The following DNAH11 variants were observed in gnomAD, a reference collection of about 807,000 sequenced individuals.
The protein encoded by DNAH11 is dynein axonemal heavy chain 11.
In DNAH11, 442 loss-of-function variants were observed where a neutral mutation model predicts 526.0. That is an observed-to-expected ratio of 0.84 (90% CI 0.78 to 0.91). The LOEUF (loss-of-function observed/expected upper bound fraction) is 0.91, where lower values mean the gene tolerates loss of function less well. DNAH11 is among the 40% of genes least tolerant of loss of function. The probability of loss-of-function intolerance (pLI) is 0.00; values close to 1 mark genes in which losing one functional copy is unlikely to be tolerated. For synonymous variants in DNAH11, 2,461 were observed against 1,935.9 expected, an observed-to-expected ratio of 1.27 and a Z score of -7.12; for missense variants, 6,989 against 5,448.7, an observed-to-expected ratio of 1.28 and a Z score of -8.90.
chr7:21,841,191 C>T lies in DNAH11; in HGVS notation c.10692-1353C>T, dbSNP rs547486438. ...GGAGTGAGACACTGTCACACACACACAAAAAAGAATATATGTGTTTTTAAT... is the reference window on the plus strand; with the variant it reads ...GGAGTGAGACACTGTCACACACACATAAAAAAGAATATATGTGTTTTTAAT... On this transcript the variant is annotated intron_variant, in intron 65 of 81. Coordinates refer to ENST00000409508, the MANE Select transcript of DNAH11 (RefSeq NM_001277115.2). 1.1e-4 allele frequency among the ~76,000 whole-genome samples: 16 copies of T among 151,176 alleles called. 1 individual carries two copies. Among genetic ancestry groups the T allele is most frequent in the Non-Finnish European group, 2.4e-4 (16 of 67,830 alleles).
At chr7:21,804,765 C>A (rs776793259) in intron 62 of DNAH11, among the ~76,000 whole-genome samples, 4 of 152,150 alleles carry the variant, frequency 2.6e-5, no homozygotes, top group Non-Finnish European at 4.4e-5. Flanking sequence ...CCCACCATTA[C>A]CTCCTAAAGC....
At chr7:21,899,930 C>T in intron 80 of DNAH11, 50 bp from the exon 81 acceptor site, 3 of 1,598,152 alleles carry the variant, frequency 1.9e-6, no homozygotes, top group South Asian at 1.1e-5. Context: ...CTCCCGGGAA[C>T]CTTACATGCA....
At chr7:21,548,722 G>A (rs545517636) in intron 2 of DNAH11, among the ~76,000 whole-genome samples, 25 of 152,236 alleles carry the variant, frequency 1.6e-4, no homozygotes, top group African/African-American at 5.3e-4. Context: ...TGACTCACTC[G>A]TGATGTTTAG....
intron 20 of DNAH11, among the ~76,000 whole-genome samples, chr7:21,613,830 C>T (rs1785643135): frequency 6.6e-6 from 1 of 152,146 alleles, no homozygotes; most frequent in Admixed American, 6.6e-5. Context: ...GGTACAATTT[C>T]AACTCAGTGC....
chr7:21,590,890 A>G (rs1046342688), intron 12 of DNAH11, 28 bp from the exon 13 acceptor site: 19 of 1,232,912 alleles, frequency 1.5e-5, no homozygotes, highest in Non-Finnish European at 1.9e-5. Context: ...GAAAATATGC[A>G]ATAATTTTAA....
chr7:21,571,403 T>A (rs1783883508), intron 7 of DNAH11, among the ~76,000 whole-genome samples: 1 of 152,034 alleles, frequency 6.6e-6, no homozygotes, highest in African/African-American at 2.4e-5. Context: ...CCTCAGCTTC[T>A]CAAGTAGCTG....
chr7:21,764,771 T>A (rs1041639550), intron 54 of DNAH11, among the ~76,000 whole-genome samples: 2 of 152,208 alleles, frequency 1.3e-5, no homozygotes, highest in African/African-American at 4.8e-5. Flanking sequence ...ATATTTAGAT[T>A]TAAATTAACT....
At chr7:21,588,763 G>C in intron 11 of DNAH11, 127 bp downstream of exon 11, 1 of 1,100,488 alleles carries the variant, frequency 9.1e-7, no homozygotes, top group Non-Finnish European at 1.3e-6. Context: ...TCACTGGTTG[G>C]GTTTGTGGAG....
At chr7:21,562,187 A>G (rs1482409643) in intron 5 of DNAH11, among the ~76,000 whole-genome samples, 1 of 152,208 alleles carries the variant, frequency 6.6e-6, no homozygotes, top group Non-Finnish European at 1.5e-5. Context: ...TAATCTTGTC[A>G]TGATCAACAT....
intron 16 of DNAH11, 28 bp from the exon 17 acceptor site, chr7:21,600,982 G>C (rs368921812): frequency 2.2e-5 from 35 of 1,609,828 alleles, no homozygotes; most frequent in Non-Finnish European, 3.0e-5. Flanking sequence ...TCACTGAGTT[G>C]TTCTAATTAA....
intron 30 of DNAH11, among the ~76,000 whole-genome samples, chr7:21,661,441 G>A (rs1169506172): frequency 6.6e-6 from 1 of 151,794 alleles, no homozygotes; most frequent in Non-Finnish European, 1.5e-5. Context: ...ATTCTAAGTT[G>A]ATAGTTTTTT....
At chr7:21,726,128 G>T (rs895067332) in intron 45 of DNAH11, 144 bp downstream of exon 45, 11 of 861,276 alleles carry the variant, frequency 1.3e-5, no homozygotes, top group African/African-American at 5.2e-5. Context: ...GCTGGCATCT[G>T]CTGAGCTTCT....
intron 2 of DNAH11, among the ~76,000 whole-genome samples, chr7:21,552,773 G>A (rs1783069729): frequency 6.6e-6 from 1 of 152,194 alleles, no homozygotes; most frequent in Non-Finnish European, 1.5e-5. Flanking sequence ...AGAGGTCTCT[G>A]CTCCTGAAGT....
At chr7:21,679,175 G>A (rs1783038108) in intron 30 of DNAH11, among the ~76,000 whole-genome samples, 1 of 151,904 alleles carries the variant, frequency 6.6e-6, no homozygotes, top group East Asian at 1.9e-4. Context: ...TCACTTATAA[G>A]TGGATTAAAA....
chr7:21,867,851 T>C lies in DNAH11; in HGVS notation c.11691-8T>C. 1 of 1,561,012 alleles carries C rather than the reference T, an allele frequency of 6.4e-7. No individual in the cohort carries two copies. Among genetic ancestry groups the C allele is most frequent in the Non-Finnish European group, 8.7e-7 (1 of 1,151,544 alleles). ...CTGATCATGTTTTTATATTCTTGTT[T>C]TTTATAGAAATTTTGTAGAGGAAAA... is the stretch of plus-strand genomic sequence containing the variant. On this transcript the variant is annotated splice_region_variant and splice_polypyrimidine_tract_variant and intron_variant, in intron 71 of 81. Coordinates refer to ENST00000409508, the MANE Select transcript of DNAH11 (RefSeq NM_001277115.2).
rs115685752 is a variant in DNAH11 at position 21,822,263 on chromosome 7, A to G, written c.10691+3924A>G. Among the ~76,000 whole-genome samples, 763 of 152,272 alleles carry G rather than the reference A, an allele frequency of 5.0e-3. 3 individuals carry two copies. Among genetic ancestry groups the G allele is most frequent in the African/African-American group, 0.017 (711 of 41,558 alleles). The stretch of plus-strand genomic sequence containing the variant: ...CTGGTGAAGCCTCAGGAGGCTCACA[A>G]TCATGGTGGAAGGTAAACGGGGAGC... On this transcript the variant is annotated intron_variant, in intron 65 of 81. Coordinates refer to ENST00000409508, the MANE Select transcript of DNAH11 (RefSeq NM_001277115.2).
intron 28 of DNAH11, among the ~76,000 whole-genome samples, chr7:21,639,468 T>G (rs1435938485): frequency 6.6e-6 from 1 of 152,178 alleles, no homozygotes; most frequent in Non-Finnish European, 1.5e-5. Context: ...AGAGTCACCT[T>G]CATAATTATG....
In DNAH11 at chr7:21,744,989, A is replaced by G. The variant is rs1354322281; in HGVS notation, c.8436A>G (p.Thr2812=). ...KDWEVLKTIL[T]ETLDNYNELN... The stretch of plus-strand genomic sequence containing the variant: ...GGGAAGTGCTGAAGACGATTCTTAC[A>G]GAAACGTTAGACAACTACAATGAAC... Residue 2812 remains threonine (T), a synonymous_variant, in exon 51 of 82, where the codon ACA becomes ACG. Coordinates refer to ENST00000409508, the MANE Select transcript of DNAH11 (RefSeq NM_001277115.2). 6.2e-7 allele frequency: 1 copy of G among 1,610,182 alleles called. No individual in the cohort carries two copies. The highest frequency in any genetic ancestry group is 2.2e-5 in the East Asian group (1 of 44,774).
chr7:21,564,030 G>A (rs1487321760), intron 5 of DNAH11, among the ~76,000 whole-genome samples, 156 bp from the exon 6 acceptor site: 2 of 151,808 alleles, frequency 1.3e-5, no homozygotes, highest in Admixed American at 6.6e-5. Context: ...CAAATTGCTC[G>A]TGTGTAGATT....
Sources: allele counts gnomAD v4.1 joint callset (sites outside exome capture counted in the v4.1 genomes callset), GRCh38; gene constraint gnomAD v4.1.1; transcripts MANE v1.5; gene names NCBI Gene and HGNC (gene_info 2026-07-23, HGNC 2026-07-21).